The following TMEM41B variants were observed in gnomAD, a reference collection of about 807,000 sequenced individuals.
TMEM41B encodes transmembrane protein 41B.
A neutral mutation model predicts 31.9 loss-of-function variants in TMEM41B; 18 were observed. That is an observed-to-expected ratio of 0.56 (90% CI 0.39 to 0.84). The LOEUF (loss-of-function observed/expected upper bound fraction) is 0.84, where lower values mean the gene tolerates loss of function less well. Among genes scored for constraint, TMEM41B ranks in the 40% least tolerant of loss-of-function variants. The pLI, the probability that TMEM41B is intolerant of heterozygous loss-of-function variation, is 0.00. For missense variants in TMEM41B, 322 were observed against 348.0 expected, an observed-to-expected ratio of 0.93 and a Z score of 0.59; for synonymous variants, 144 against 124.3, an observed-to-expected ratio of 1.16 and a Z score of -1.05.
intron 1 of TMEM41B, among the ~76,000 whole-genome samples, chr11:9,313,391 A>G (rs1468093804): frequency 6.6e-6 from 1 of 152,226 alleles, no homozygotes; most frequent in Non-Finnish European, 1.5e-5. Context: ...GGTGGAACAC[A>G]CCTATGTGAG....
rs1852706799 is a variant in TMEM41B at position 9,280,968 on chromosome 11, A to T, written c.*2456T>A. ...CCTTGCTGAAGGGTCCTTTCTTGAC[A>T]GTCAATGATGATGAATCTGGAAAAA... On this transcript the variant is annotated 3_prime_UTR_variant, in exon 7 of 7. Transcript: ENST00000528080. The T allele has an allele frequency of 6.6e-6, 1 of 152,192 alleles. No individual in the cohort carries two copies. Among genetic ancestry groups the T allele is most frequent in the Non-Finnish European group, 1.5e-5 (1 of 68,042 alleles). The allele number at this position is 152,192 out of a possible 1,614,324, so 9.4% of individuals were successfully genotyped here. A position where few individuals can be genotyped will look rare whatever the true frequency, so the allele number is the denominator to read the frequency against.
At chr11:9,300,598 G>A (rs1235200162) in intron 1 of TMEM41B, among the ~76,000 whole-genome samples, 1 of 152,076 alleles carries the variant, frequency 6.6e-6, no homozygotes, top group Non-Finnish European at 1.5e-5. Context: ...TATGAACGAG[G>A]CCAGGCGCGG....
chr11:9,287,633 G>GT (rs1160842861), intron 5 of TMEM41B, 69 bp downstream of exon 5: 1 of 1,041,964 alleles, frequency 9.6e-7, no homozygotes, highest in Admixed American at 2.4e-5. Flanking sequence ...GTTAATTCAT[G>GT]TAGGGACTAA....
In TMEM41B at chr11:9,298,566, A is replaced by G. The variant is rs567763392; in HGVS notation, c.239+1018T>C. Reference sequence around the variant, plus strand: ...GATCACTTGAGGCCAGGAGTTTGGGACCAGCCTGGCCAACAGGTTTAAAAC... The same window carrying G: ...GATCACTTGAGGCCAGGAGTTTGGGGCCAGCCTGGCCAACAGGTTTAAAAC... On this transcript the variant is annotated intron_variant, in intron 2 of 6. Coordinates refer to ENST00000528080, the MANE Select transcript of TMEM41B (RefSeq NM_015012.4). Among the ~76,000 whole-genome samples, 3 of 152,010 alleles carry G rather than the reference A, an allele frequency of 2.0e-5. No individual in the cohort carries two copies. In the East Asian group the frequency reaches 5.8e-4, roughly 29 times the overall value.
In TMEM41B at chr11:9,281,573, T is replaced by C. The variant is rs1404435695; in HGVS notation, c.*1851A>G. ...AGTACTTTTCAACTTTGACAACTAA[T>C]AACAGTCATGGGTGAAGGTAAAACT... On this transcript the variant is annotated 3_prime_UTR_variant, in exon 7 of 7. Coordinates refer to ENST00000528080, the MANE Select transcript of TMEM41B (RefSeq NM_015012.4). The C allele has an allele frequency of 6.6e-6, 1 of 152,212 alleles. No individual in the cohort carries two copies. The highest frequency in any genetic ancestry group is 1.5e-5 in the Non-Finnish European group (1 of 68,042). 9.4% of individuals were successfully genotyped at this position (152,212 alleles called of 1,614,324 possible). A position where few individuals can be genotyped will look rare whatever the true frequency, so the allele number is the denominator to read the frequency against.
chr11:9,297,396 T>C (rs1194948248), intron 2 of TMEM41B, among the ~76,000 whole-genome samples: 1 of 152,162 alleles, frequency 6.6e-6, no homozygotes, highest in African/African-American at 2.4e-5. Context: ...CTCTGCTAAT[T>C]TCAAAATTTT....
At chr11:9,284,599 C>A (rs1852794297) in intron 6 of TMEM41B, among the ~76,000 whole-genome samples, 1 of 151,940 alleles carries the variant, frequency 6.6e-6, no homozygotes, top group East Asian at 1.9e-4. Context: ...TCCATCTCTA[C>A]TAAAAATACA....
intron 3 of TMEM41B, among the ~76,000 whole-genome samples, chr11:9,290,401 A>G (rs537412834): frequency 1.3e-5 from 2 of 152,094 alleles, no homozygotes; most frequent in Non-Finnish European, 2.9e-5. Context: ...ACAAAACATC[A>G]TATTATGGAT....
At position 9,282,736 on chromosome 11, in the gene TMEM41B, A is replaced by C. The variant is rs562461026; in HGVS notation, c.*688T>G. ...ATCACGAGGTCAGGAGATCGAGACCATCCTGGCTAACACGGTGAAACCCCG... is the reference window on the plus strand; with the variant it reads ...ATCACGAGGTCAGGAGATCGAGACCCTCCTGGCTAACACGGTGAAACCCCG... On this transcript the variant is annotated 3_prime_UTR_variant, in exon 7 of 7. Transcript: ENST00000528080. The C allele has an allele frequency of 1.3e-5, 2 of 152,024 alleles. No homozygotes were observed. Among genetic ancestry groups the C allele is most frequent in the South Asian group, 2.1e-4 (1 of 4,824 alleles). The allele number at this position is 152,024 out of a possible 1,614,324, so 9.4% of individuals were successfully genotyped here.
In TMEM41B at chr11:9,284,290, C is replaced by T. The variant is rs79654259; in HGVS notation, c.707-697G>A. Among the ~76,000 whole-genome samples the T allele has an allele frequency of 8.1e-3, 1,230 of 151,896 alleles. 80 individuals are homozygous for T. The East Asian group carries it at 0.17, about 20-fold the overall frequency. On this transcript the variant is annotated intron_variant, in intron 6 of 6. Transcript: ENST00000528080. ...CTTTCTGAGCAGCTGGGACTACAGG[C>T]GTGTACCACCACACCCAGGCAAAAT...
At chr11:9,311,590 G>A (rs1311878066) in intron 1 of TMEM41B, 16 of 1,051,628 alleles carry the variant, frequency 1.5e-5, no homozygotes, top group Non-Finnish European at 2.2e-5. Flanking sequence ...GGAAAGGGTG[G>A]GTTGATAGGT....
chr11:9,299,303 A>AAAAAC (rs1564964487), intron 2 of TMEM41B, among the ~76,000 whole-genome samples: 1 of 66,122 alleles, frequency 1.5e-5, no homozygotes, highest in Non-Finnish European at 3.0e-5. Context: ...AAAAAAAAAA[A>AAAAAC]AAGAAAGTAT....
rs78813187 is a variant in TMEM41B at position 9,313,063 on chromosome 11, T to C, written c.121+1258A>G. 8.2e-3 allele frequency among the ~76,000 whole-genome samples: 1,247 copies of C among 152,330 alleles called. 11 individuals are homozygous for C. The highest frequency in any genetic ancestry group is 0.012 in the Admixed American group (180 of 15,298). On this transcript the variant is annotated intron_variant, in intron 1 of 6. Coordinates refer to ENST00000528080, the MANE Select transcript of TMEM41B (RefSeq NM_015012.4). ...CAACTGGCTGCTACCTCAAATGAGA[T>C]GTCAATTTTTAGGGATGCCCTATCT...
intron 1 of TMEM41B, chr11:9,311,378 T>G: frequency 6.8e-7 from 1 of 1,470,156 alleles, no homozygotes. Flanking sequence ...TCTTGCCCAC[T>G]ATCACTGCTG....
At position 9,303,237 on chromosome 11, in the gene TMEM41B, CA is replaced by C. The variant is rs369360159; in HGVS notation, c.122-3537del. On this transcript the variant is annotated intron_variant, in intron 1 of 6. Transcript: ENST00000528080. ...TTTCACCATATTGGCCAGGCTGGTC[CA>C]AGTGATTCCCTTGCCTCAGCCTCCC... Among the ~76,000 whole-genome samples, 22 of 151,782 alleles carry C rather than the reference CA, an allele frequency of 1.4e-4. No individual in the cohort carries two copies. In the South Asian group the frequency reaches 3.8e-3, roughly 26 times the overall value.
intron 3 of TMEM41B, among the ~76,000 whole-genome samples, chr11:9,291,402 T>A (rs1283540465): frequency 2.2e-5 from 2 of 90,894 alleles, no homozygotes; most frequent in East Asian, 2.8e-4. Flanking sequence ...ATAATAATAA[T>A]AAAAATAAAT....
Position 9,283,549 on chromosome 11 carries a change from G to A in TMEM41B, c.751C>T (p.Leu251=). 1.2e-6 allele frequency: 2 copies of A among 1,612,122 alleles called. No homozygotes were observed. Among genetic ancestry groups the A allele is most frequent in the Non-Finnish European group, 1.7e-6 (2 of 1,179,552 alleles). Residue 251 remains leucine (L), a synonymous_variant, in exon 7 of 7, where the codon CTG becomes TTG. Coordinates refer to ENST00000528080, the MANE Select transcript of TMEM41B (RefSeq NM_015012.4). ...TCTCCTGCTGTTGTAAGTTGATACA[G>A]TGTTGTTCCTGCCTTAATGGCTACA... is the stretch of plus-strand genomic sequence containing the variant. The part of the protein sequence containing the change: ...SFVAIKAGTT[L]YQLTTAGEAV...
chr11:9,311,659 G>T, intron 1 of TMEM41B: 1 of 842,194 alleles, frequency 1.2e-6, no homozygotes, highest in Non-Finnish European at 2.0e-6. Context: ...TATGGATTTG[G>T]CCCTGGCTGC....
rs1267786177 is a variant in TMEM41B at position 9,282,534 on chromosome 11, T to A, written c.*890A>T. On this transcript the variant is annotated 3_prime_UTR_variant, in exon 7 of 7. Transcript: ENST00000528080. ...GACTAATCCATGATAAAAATCTAGA[T>A]GATAAAAAACAAAAATAAAATTAAC... is the stretch of plus-strand genomic sequence containing the variant. 19 of 152,062 alleles carry A rather than the reference T, an allele frequency of 1.2e-4. 1 individual carries two copies. Among genetic ancestry groups the A allele is most frequent in the Admixed American group, 1.2e-3 (19 of 15,240 alleles). The allele number at this position is 152,062 out of a possible 1,614,324, so 9.4% of individuals were successfully genotyped here.
Sources: allele counts gnomAD v4.1 joint callset (sites outside exome capture counted in the v4.1 genomes callset), GRCh38; gene constraint gnomAD v4.1.1; transcripts MANE v1.5; gene names NCBI Gene and HGNC (gene_info 2026-07-23, HGNC 2026-07-21).